The following SHROOM3 variants were observed in gnomAD, a reference collection of about 807,000 sequenced individuals.
SHROOM3 encodes the protein shroom family member 3, also known as protein Shroom3.
In SHROOM3, 47 loss-of-function variants were observed where a neutral mutation model predicts 138.6. The ratio of observed to expected loss-of-function variants is 0.34; its 90% CI spans 0.27 to 0.43. The LOEUF is 0.43. SHROOM3 is among the 20% of genes least tolerant of loss of function. SHROOM3 has a pLI of 1.00. For missense variants in SHROOM3, 2,491 were observed against 2,596.5 expected (o/e 0.96, Z 0.88); for synonymous variants, 1,062 against 1,063.3 (o/e 1.00, Z 0.02).
At chr4:76,745,124 T>C (rs574639423) in intron 5 of SHROOM3, among the ~76,000 whole-genome samples, 2 of 152,326 alleles carry the variant, frequency 1.3e-5, no homozygotes, top group South Asian at 4.1e-4. Flanking sequence ...CAAATAGATA[T>C]TAGTGATGGA....
rs1020286991 is a variant in SHROOM3, at chr4:76,689,659, C to A, written c.324-20497C>A. ...GTTTGAACTTGGCGTCGGCCTGGAG[C>A]CCCGAGCAGCCCGGGGGCGGCGGCC... is the stretch of plus-strand genomic sequence containing the variant. On this transcript the variant is annotated intron_variant, in intron 2 of 10. Coordinates refer to ENST00000296043, the MANE Select transcript of SHROOM3 (RefSeq NM_020859.4). 1.5e-5 allele frequency: 15 copies of A among 985,328 alleles called. No individual in the cohort carries two copies. The African/African-American group carries it at 2.4e-4, about 16-fold the overall frequency. The allele number at this position is 985,328 out of a possible 1,614,324, so 61.0% of individuals were successfully genotyped here. A position where few individuals can be genotyped will look rare whatever the true frequency, so the allele number is the denominator to read the frequency against.
At position 76,708,222 on chromosome 4, in the gene SHROOM3, T is replaced by C. The variant is rs1280463057; in HGVS notation, c.324-1934T>C. On this transcript the variant is annotated intron_variant, in intron 2 of 10. Coordinates refer to ENST00000296043, the MANE Select transcript of SHROOM3 (RefSeq NM_020859.4). ...TGCTTAAATCGATGGAATGATTTTA[T>C]GTTCCTCATGCTTCCATCTCTTTCT... 2.0e-5 allele frequency among the ~76,000 whole-genome samples: 3 copies of C among 152,186 alleles called. No homozygotes were observed. The East Asian group carries it at 5.8e-4, about 29-fold the overall frequency.
intron 2 of SHROOM3, among the ~76,000 whole-genome samples, chr4:76,574,966 C>T (rs1319469522): frequency 6.6e-6 from 1 of 152,132 alleles, no homozygotes; most frequent in East Asian, 1.9e-4. Flanking sequence ...TACCAGCAAA[C>T]CAAATTCAAT....
intron 2 of SHROOM3, chr4:76,645,258 G>C (rs527544830): frequency 2.6e-5 from 4 of 152,356 alleles, no homozygotes; most frequent in Non-Finnish European, 5.9e-5. Flanking sequence ...GCAGGGAGTT[G>C]TCTGAAGGAG....
chr4:76,575,915 G>C (rs911950170), intron 2 of SHROOM3, among the ~76,000 whole-genome samples: 2 of 152,220 alleles, frequency 1.3e-5, no homozygotes, highest in East Asian at 1.9e-4. Context: ...TTGATTATTA[G>C]AGAAACGCAA....
At chr4:76,647,038 A>C (rs995716448) in intron 2 of SHROOM3, among the ~76,000 whole-genome samples, 4 of 152,244 alleles carry the variant, frequency 2.6e-5, no homozygotes, top group Non-Finnish European at 5.9e-5. Flanking sequence ...CAAAAGGATA[A>C]AGAAAATGTA....
At chr4:76,722,492 T>C (rs1384331323) in intron 3 of SHROOM3, among the ~76,000 whole-genome samples, 2 of 152,018 alleles carry the variant, frequency 1.3e-5, no homozygotes, top group African/African-American at 4.8e-5. Flanking sequence ...CAACACACAC[T>C]GGGGCCTACT....
intron 2 of SHROOM3, among the ~76,000 whole-genome samples, chr4:76,622,166 TAGAC>T (rs1216079232): frequency 3.9e-5 from 6 of 152,252 alleles, no homozygotes; most frequent in Non-Finnish European, 8.8e-5. Flanking sequence ...ATTGGACGAC[TAGAC>T]CTAGTCGTGC....
At chr4:76,734,189 G>A (rs2110130253) in intron 4 of SHROOM3, among the ~76,000 whole-genome samples, 1 of 152,208 alleles carries the variant, frequency 6.6e-6, no homozygotes, top group Admixed American at 6.5e-5. Context: ...ACAATTATTT[G>A]TTTCCCAAAA....
chr4:76,514,584 A>G (rs1394455811), intron 1 of SHROOM3, among the ~76,000 whole-genome samples: 1 of 152,234 alleles, frequency 6.6e-6, no homozygotes, highest in Admixed American at 6.5e-5. Flanking sequence ...TCCTAGTTCC[A>G]CAACTCTGTA....
rs1260796052 is a variant in SHROOM3 at position 76,740,778 on chromosome 4, G to A, written c.2605G>A (p.Gly869Arg). 4 of 1,612,252 alleles carry A rather than the reference G, an allele frequency of 2.5e-6. No individual in the cohort carries two copies. In the Admixed American group the frequency reaches 5.0e-5, roughly 20 times the overall value. The change falls in exon 5 of 11, where the codon GGA becomes AGA. Residue 869 changes from glycine to arginine, a missense_variant. By Grantham distance (125) the Gly-to-Arg change is moderately radical (BLOSUM62 -2). This residue lies in a region of SHROOM3 where 1,733 missense variants were observed against 1,661.6 expected (regional missense o/e 1.04). Transcript: ENST00000296043. This position sits in a 1 kb window ranked among gnomAD's most constrained non-coding sequence, Gnocchi z 4.0. ...GCAGCCCTGCGGTCAGCAGCTGAGC[G>A]GAGGAGCGTCGGACAGCGGCCGTGG... ...SRQPCGQQLS[G>R]GASDSGRGPQ...
At chr4:76,620,580 G>A (rs1274841221) in intron 2 of SHROOM3, among the ~76,000 whole-genome samples, 1 of 152,202 alleles carries the variant, frequency 6.6e-6, no homozygotes. Flanking sequence ...CCAACAGCAA[G>A]GGAGTGTGTG....
At chr4:76,489,880 C>T (rs1479003068) in intron 1 of SHROOM3, among the ~76,000 whole-genome samples, 3 of 151,984 alleles carry the variant, frequency 2.0e-5, no homozygotes, top group Admixed American at 6.6e-5. Flanking sequence ...GACAAAACGC[C>T]CAGCAAAGCA....
In SHROOM3 at chr4:76,730,839, A is replaced by AC; in HGVS notation, c.492dup (p.Thr165HisfsTer3). 6.2e-7 allele frequency: 1 copy of AC among 1,614,086 alleles called. No individual in the cohort carries two copies. The highest frequency in any genetic ancestry group is 8.5e-7 in the Non-Finnish European group (1 of 1,180,014). ...CCTGCAGGCCGACCTCACTCGTGGC[A>AC]CACAACTAAATCTGGGGAGAAGCAA... On this transcript the variant is annotated frameshift_variant, in exon 4 of 11. Coordinates refer to ENST00000296043, the MANE Select transcript of SHROOM3 (RefSeq NM_020859.4). LOFTEE classifies it high-confidence loss of function.
chr4:76,728,809 C>T (rs143836776), intron 3 of SHROOM3, among the ~76,000 whole-genome samples: 70 of 152,174 alleles, frequency 4.6e-4, no homozygotes, highest in African/African-American at 1.6e-3. Context: ...GGCCAGGGTC[C>T]GAAAGGCTGT....
At chr4:76,725,434 T>C (rs765350740) in intron 3 of SHROOM3, among the ~76,000 whole-genome samples, 9 of 152,266 alleles carry the variant, frequency 5.9e-5, no homozygotes, top group Non-Finnish European at 1.2e-4. Context: ...AAAATATCTC[T>C]TTAAAATTTG....
intron 1 of SHROOM3, among the ~76,000 whole-genome samples, chr4:76,448,735 A>G (rs1470179936): frequency 6.6e-6 from 1 of 152,162 alleles, no homozygotes; most frequent in East Asian, 1.9e-4. Context: ...GTCTTGTCTC[A>G]GGGTCTGTTT....
At chr4:76,641,306 T>G (rs1419154629) in intron 2 of SHROOM3, among the ~76,000 whole-genome samples, 1 of 152,142 alleles carries the variant, frequency 6.6e-6, no homozygotes. Flanking sequence ...GATTTTAGTT[T>G]AAGGACTCTC....
intron 1 of SHROOM3, among the ~76,000 whole-genome samples, chr4:76,520,491 G>C (rs750944767): frequency 2.0e-5 from 3 of 152,060 alleles, no homozygotes; most frequent in Admixed American, 6.6e-5. Context: ...TACAGATAAG[G>C]AAACTGAGGC....
Sources: gnomAD v4.1 joint callset for allele counts (sites outside exome capture counted in the v4.1 genomes callset) on GRCh38, gnomAD v4.1.1 for gene constraint, gnomAD v4.1.1 regional missense constraint, Gnocchi (gnomAD v3.1) non-coding constraint, MANE v1.5 for transcripts, NCBI Gene and HGNC (gene_info 2026-07-23, HGNC 2026-07-21) for gene names.